Variants in REDIC1 observed in about 807,000 individuals in gnomAD.
REDIC1 encodes the protein regulator of DNA class I crossover intermediates 1.
At chr12:39,725,710 CTGAT>C in the REDIC1 span, among the ~76,000 whole-genome samples, 3 of 151,502 alleles carry the variant, frequency 2.0e-5, no homozygotes, top group Non-Finnish European at 2.9e-5. Context: ...AGGATGTTGA[CTGAT>C]TGTATTTATT....
the REDIC1 span, among the ~76,000 whole-genome samples, chr12:39,802,638 T>C: frequency 1.3e-5 from 2 of 152,230 alleles, no homozygotes; most frequent in Admixed American, 1.3e-4. Context: ...TTTATCTGTC[T>C]AGAACTATAT....
the REDIC1 span, among the ~76,000 whole-genome samples, chr12:39,895,802 G>A: frequency 4.6e-4 from 38 of 82,472 alleles, 13 homozygotes; most frequent in East Asian, 1.2e-3. Flanking sequence ...ACATGTATAT[G>A]CGTGTATACG....
At chr12:39,870,717 C>G in the REDIC1 span, among the ~76,000 whole-genome samples, 2 of 152,152 alleles carry the variant, frequency 1.3e-5, no homozygotes, top group Non-Finnish European at 2.9e-5. Flanking sequence ...TCTCACCTTT[C>G]CCTCCAGCAC....
At chr12:39,817,831 G>A in the REDIC1 span, among the ~76,000 whole-genome samples, 10 of 152,008 alleles carry the variant, frequency 6.6e-5, no homozygotes, top group East Asian at 1.9e-4. Context: ...CTTCAAAGAC[G>A]GTTCCTTGAC....
At chr12:39,712,287 T>G in the REDIC1 span, among the ~76,000 whole-genome samples, 1 of 125,184 alleles carries the variant, frequency 8.0e-6, no homozygotes. Flanking sequence ...TATATATACC[T>G]GTATGTATAT....
At chr12:39,642,177 G>T in the REDIC1 span, among the ~76,000 whole-genome samples, 1 of 151,684 alleles carries the variant, frequency 6.6e-6, no homozygotes, top group Non-Finnish European at 1.5e-5. Context: ...GCTTAGTCTT[G>T]TCAAGTTAAT....
chr12:39,650,590 A>G, the REDIC1 span, among the ~76,000 whole-genome samples: 2 of 152,156 alleles, frequency 1.3e-5, no homozygotes, highest in Non-Finnish European at 2.9e-5. This position sits in a 1 kb window ranked among gnomAD's most constrained non-coding sequence, Gnocchi z 4.3. Context: ...TATTTTTTGA[A>G]AAGAAGTCTC....
the REDIC1 span, among the ~76,000 whole-genome samples, chr12:39,627,214 A>G: frequency 1.4e-4 from 21 of 152,220 alleles, no homozygotes; most frequent in Non-Finnish European, 2.8e-4. Flanking sequence ...ATGCCTGATA[A>G]TTTTAGCATG....
the REDIC1 span, among the ~76,000 whole-genome samples, chr12:39,643,270 C>A: frequency 6.6e-6 from 1 of 151,482 alleles, no homozygotes; most frequent in East Asian, 1.9e-4. Context: ...GTTAAAAAAA[C>A]AAACATCTGG....
At chr12:39,821,563 C>G in the REDIC1 span, among the ~76,000 whole-genome samples, 1 of 152,206 alleles carries the variant, frequency 6.6e-6, no homozygotes, top group African/African-American at 2.4e-5. Context: ...GCTCACACCA[C>G]AGGTCTACCT....
the REDIC1 span, chr12:39,685,059 C>A: frequency 1.8e-6 from 1 of 563,180 alleles, no homozygotes. Flanking sequence ...GACTCTTTTT[C>A]TTATACTTTT....
the REDIC1 span, among the ~76,000 whole-genome samples, chr12:39,894,656 T>A: frequency 6.6e-6 from 1 of 152,224 alleles, no homozygotes; most frequent in African/African-American, 2.4e-5. Flanking sequence ...CTAATGTATA[T>A]CTTTTTTAGG....
At chr12:39,885,077 C>T in the REDIC1 span, among the ~76,000 whole-genome samples, 6 of 152,190 alleles carry the variant, frequency 3.9e-5, no homozygotes, top group African/African-American at 1.4e-4. Context: ...ATTGTGACTA[C>T]ATTTAAGAGT....
At chr12:39,844,237 T>C in the REDIC1 span, among the ~76,000 whole-genome samples, 1 of 152,088 alleles carries the variant, frequency 6.6e-6, no homozygotes, top group African/African-American at 2.4e-5. Context: ...CTAGCTTTTC[T>C]ACTTATTGAG....
chr12:39,634,380 A>C, the REDIC1 span, among the ~76,000 whole-genome samples: 1 of 152,170 alleles, frequency 6.6e-6, no homozygotes, highest in Non-Finnish European at 1.5e-5. Flanking sequence ...CCTGACCTCA[A>C]ACTATACTAC....
the REDIC1 span, among the ~76,000 whole-genome samples, chr12:39,904,096 G>A: frequency 6.6e-6 from 1 of 152,088 alleles, no homozygotes; most frequent in Non-Finnish European, 1.5e-5. Flanking sequence ...AGGTTCAGGT[G>A]GTGAAGTTGA....
the REDIC1 span, among the ~76,000 whole-genome samples, chr12:39,900,688 A>C: frequency 6.6e-6 from 1 of 152,194 alleles, no homozygotes; most frequent in African/African-American, 2.4e-5. Context: ...GAAATAAAAG[A>C]GGATACAAAC....
chr12:39,666,533 T>C, the REDIC1 span, among the ~76,000 whole-genome samples: 1 of 152,214 alleles, frequency 6.6e-6, no homozygotes. Flanking sequence ...TTCTCTTTTT[T>C]TGTTGTGTCT....
chr12:39,821,199 G>A, the REDIC1 span, among the ~76,000 whole-genome samples: 1 of 152,074 alleles, frequency 6.6e-6, no homozygotes, highest in South Asian at 2.1e-4. Flanking sequence ...GGATCATGAG[G>A]TCAGGAGATC....
Sources: allele counts gnomAD v4.1 joint callset (sites outside exome capture counted in the v4.1 genomes callset), GRCh38; gene constraint gnomAD v4.1.1; non-coding constraint Gnocchi (gnomAD v3.1); transcripts MANE v1.5; gene names NCBI Gene and HGNC (gene_info 2026-07-23, HGNC 2026-07-21).